Variants in KCNIP1 observed in about 807,000 individuals in gnomAD.
KCNIP1 encodes potassium voltage-gated channel interacting protein 1, also known as A-type potassium channel modulatory protein KCNIP1.
In KCNIP1, 18 loss-of-function variants were observed where a neutral mutation model predicts 33.0. That is an observed-to-expected ratio of 0.55 (90% confidence interval 0.38 to 0.81). The LOEUF (loss-of-function observed/expected upper bound fraction) is 0.81, where lower values mean the gene tolerates loss of function less well. KCNIP1 is among the 30% of genes least tolerant of loss of function. The pLI, the probability that KCNIP1 is intolerant of heterozygous loss-of-function variation, is 0.00. For synonymous variants in KCNIP1, 93 were observed against 98.3 expected (o/e 0.95, Z 0.32); for missense variants, 238 against 271.6 (o/e 0.88, Z 0.87).
intron 1 of KCNIP1, among the ~76,000 whole-genome samples, chr5:170,679,877 T>C (rs1045059260): frequency 6.6e-6 from 1 of 152,196 alleles, no homozygotes; most frequent in Non-Finnish European, 1.5e-5. Context: ...ATGTAAGTTC[T>C]TTCAGTCTTT....
chr5:170,434,406 G>T (rs998448004), intron 1 of KCNIP1, among the ~76,000 whole-genome samples: 3 of 152,194 alleles, frequency 2.0e-5, no homozygotes, highest in Admixed American at 2.0e-4. Flanking sequence ...GGAGTGAGAG[G>T]CCTCCTGGGG....
intron 1 of KCNIP1, among the ~76,000 whole-genome samples, chr5:170,496,341 G>A (rs1757310664): frequency 1.3e-5 from 2 of 152,234 alleles, no homozygotes; most frequent in Non-Finnish European, 2.9e-5. Flanking sequence ...TCAGTGGCAA[G>A]AGCAGCAGGA....
chr5:170,499,271 C>T (rs918749539), upstream of KCNIP1, among the ~76,000 whole-genome samples: 11 of 152,064 alleles, frequency 7.2e-5, no homozygotes, highest in Admixed American at 1.3e-4. Flanking sequence ...AGATGGGAGC[C>T]GAGGGAAATG....
intron 5 of KCNIP1, among the ~76,000 whole-genome samples, chr5:170,729,154 A>G (rs1764108889): frequency 1.3e-5 from 2 of 152,060 alleles, no homozygotes; most frequent in African/African-American, 4.8e-5. Flanking sequence ...CTTTTTAACT[A>G]AAAAAGAACT....
At chr5:170,377,036 G>A (rs1485347411) in intron 1 of KCNIP1, 1 of 152,208 alleles carries the variant, frequency 6.6e-6, no homozygotes, top group Non-Finnish European at 1.5e-5. Context: ...AAATCGGGCA[G>A]AGTAGAGACA....
At chr5:170,694,261 A>C (rs1195579139) in intron 1 of KCNIP1, among the ~76,000 whole-genome samples, 1 of 152,264 alleles carries the variant, frequency 6.6e-6, no homozygotes, top group Non-Finnish European at 1.5e-5. Context: ...ATCCCATCTT[A>C]AAGTAAAAAT....
chr5:170,466,714 T>C (rs905507037), intron 1 of KCNIP1, among the ~76,000 whole-genome samples: 4 of 152,136 alleles, frequency 2.6e-5, no homozygotes, highest in Admixed American at 6.5e-5. Context: ...TGTTCTCACA[T>C]GGTAGAGGAT....
chr5:170,569,270 G>T (rs1334850506), intron 1 of KCNIP1, among the ~76,000 whole-genome samples: 1 of 152,252 alleles, frequency 6.6e-6, no homozygotes, highest in Non-Finnish European at 1.5e-5. Flanking sequence ...CCAGGTCGAT[G>T]GAGCTCCCAA....
At chr5:170,470,447 A>T (rs1305931098) in intron 1 of KCNIP1, among the ~76,000 whole-genome samples, 3 of 151,948 alleles carry the variant, frequency 2.0e-5, no homozygotes, top group Non-Finnish European at 2.9e-5. Flanking sequence ...TACCGAACTG[A>T]TCTTGGGTCT....
chr5:170,581,181 T>C (rs1357198650), intron 1 of KCNIP1, among the ~76,000 whole-genome samples: 2 of 152,184 alleles, frequency 1.3e-5, no homozygotes, highest in Non-Finnish European at 2.9e-5. Flanking sequence ...TGATCTGTCA[T>C]GAATCACAAG....
At chr5:170,431,826 G>A (rs1321091195) in intron 1 of KCNIP1, among the ~76,000 whole-genome samples, 1 of 152,190 alleles carries the variant, frequency 6.6e-6, no homozygotes, top group Non-Finnish European at 1.5e-5. Flanking sequence ...GACTTGAGGA[G>A]ATGGGTCTGG....
rs80334060 is a variant in KCNIP1 at position 170,698,865 on chromosome 5, C to T, written c.62-19893C>T. Among the ~76,000 whole-genome samples the T allele has an allele frequency of 6.9e-3, 1,058 of 152,294 alleles. 10 individuals are homozygous for T. Among genetic ancestry groups the T allele is most frequent in the Middle Eastern group, 0.041 (12 of 292 alleles). ...AAAGTAGGGATTATTCCCACCATTT[C>T]CCAGATGTTGAAACTGAAATTGATA... On this transcript the variant is annotated intron_variant, in intron 1 of 7. Transcript: ENST00000328939.
intron 1 of KCNIP1, among the ~76,000 whole-genome samples, chr5:170,470,231 A>C (rs1756692466): frequency 6.6e-6 from 1 of 151,932 alleles, no homozygotes; most frequent in South Asian, 2.1e-4. Context: ...TTCACATCTC[A>C]GCTCAGGTGT....
intron 1 of KCNIP1, among the ~76,000 whole-genome samples, chr5:170,654,696 A>G (rs1761192224): frequency 6.6e-6 from 1 of 152,226 alleles, no homozygotes; most frequent in Admixed American, 6.5e-5. Context: ...CTGTGGGTAA[A>G]TTAGGTTAGC....
intron 1 of KCNIP1, among the ~76,000 whole-genome samples, chr5:170,412,318 G>C (rs1755215960): frequency 2.0e-5 from 3 of 152,152 alleles, no homozygotes; most frequent in African/African-American, 7.2e-5. Flanking sequence ...GATGGGAGAA[G>C]CCTTGGGTGA....
chr5:170,602,912 C>T (rs1758750949), intron 1 of KCNIP1, among the ~76,000 whole-genome samples: 1 of 152,318 alleles, frequency 6.6e-6, no homozygotes, highest in Non-Finnish European at 1.5e-5. Context: ...CAAGGTTCGG[C>T]GCCGCATCAC....
intron 1 of KCNIP1, among the ~76,000 whole-genome samples, chr5:170,481,119 A>T (rs915384673): frequency 8.5e-5 from 13 of 152,346 alleles, no homozygotes; most frequent in Admixed American, 5.9e-4. Flanking sequence ...GATTATAGCC[A>T]TCAATCTTAT....
chr5:170,408,702 A>G (rs1045094263), intron 1 of KCNIP1, among the ~76,000 whole-genome samples: 2 of 152,158 alleles, frequency 1.3e-5, no homozygotes, highest in Admixed American at 6.5e-5. Flanking sequence ...ATAAAGGAAA[A>G]CTTGTATTTT....
At chr5:170,663,311 T>C (rs1315347918) in intron 1 of KCNIP1, among the ~76,000 whole-genome samples, 1 of 152,186 alleles carries the variant, frequency 6.6e-6, no homozygotes, top group East Asian at 1.9e-4. Flanking sequence ...TTATTCCAAC[T>C]TGGACTTGCC....
Sources: gnomAD v4.1 joint callset for allele counts (sites outside exome capture counted in the v4.1 genomes callset) on GRCh38, gnomAD v4.1.1 for gene constraint, MANE v1.5 for transcripts, NCBI Gene and HGNC (gene_info 2026-07-23, HGNC 2026-07-21) for gene names.